Variants in GRAMD2B observed in about 807,000 individuals in gnomAD.
GRAMD2B encodes GRAM domain-containing protein 2B.
Under a neutral mutation model 59.2 loss-of-function variants are expected in GRAMD2B, and 41 were observed. That is an observed-to-expected ratio of 0.69 (90% confidence interval 0.54 to 0.90). The LOEUF (loss-of-function observed/expected upper bound fraction) is 0.90. Among genes scored for constraint, GRAMD2B ranks in the 40% least tolerant of loss-of-function variants. The pLI is 0.00. For missense variants in GRAMD2B, 424 were observed against 500.5 expected, an observed-to-expected ratio of 0.85 and a Z score of 1.46; for synonymous variants, 161 against 182.7, an observed-to-expected ratio of 0.88 and a Z score of 0.96.
chr5:126,404,695 C>T (rs918241179), intron 1 of GRAMD2B, among the ~76,000 whole-genome samples: 1 of 151,744 alleles, frequency 6.6e-6, no homozygotes, highest in Non-Finnish European at 1.5e-5. Context: ...ATCCAATACG[C>T]CTTTGTTCCA....
At chr5:126,429,433 A>G (rs1761195752) in intron 1 of GRAMD2B, among the ~76,000 whole-genome samples, 1 of 152,202 alleles carries the variant, frequency 6.6e-6, no homozygotes, top group Admixed American at 6.5e-5. Context: ...ACTAATGGGT[A>G]CTAGGTTTAA....
At chr5:126,466,245 T>C (rs1471970224) in intron 2 of GRAMD2B, 2 of 1,548,982 alleles carry the variant, frequency 1.3e-6, no homozygotes, top group East Asian at 2.4e-5. Context: ...TTTTGGTCTT[T>C]GCTAAAAGAT....
exon 1 of GRAMD2B, chr5:126,371,443 A>G: frequency 7.8e-7 from 1 of 1,287,694 alleles, no homozygotes; most frequent in Non-Finnish European, 1.0e-6. Flanking sequence ...TAAGCGCACA[A>G]TGGTGAAGAA....
chr5:126,423,039 C>T (rs1759915447), upstream of GRAMD2B: 6 of 413,620 alleles, frequency 1.5e-5, no homozygotes, highest in South Asian at 4.0e-4. Context: ...GAGGCAGTCC[C>T]TCAATGAAGC....
chr5:126,486,909 A>G lies in GRAMD2B; in HGVS notation c.1095A>G (p.Arg365=), dbSNP rs1373959103. ...CALIISTFYM[R]YRINTLEEQL... The stretch of plus-strand genomic sequence containing the variant: ...TAATCATCTCGACCTTCTACATGAG[A>G]TACAGAATTAATACTCTGGAGGAGC... Residue 365 remains arginine, a synonymous_variant, in exon 12 of 14, where the codon AGA becomes AGG. Coordinates refer to ENST00000285689, the MANE Select transcript of GRAMD2B (RefSeq NM_023927.4). 1.2e-6 allele frequency: 2 copies of G among 1,612,546 alleles called. No homozygotes were observed. The highest frequency in any genetic ancestry group is 2.2e-5 in the East Asian group (1 of 44,840).
intron 1 of GRAMD2B, among the ~76,000 whole-genome samples, chr5:126,374,857 T>A (rs1316339255): frequency 3.3e-5 from 5 of 152,218 alleles, no homozygotes; most frequent in Non-Finnish European, 7.4e-5. Context: ...TAATAAAAAA[T>A]CTGCTAAGAC....
In GRAMD2B at chr5:126,483,574, G is replaced by C; in HGVS notation, c.847G>C (p.Asp283His). 1 of 1,569,252 alleles carries C rather than the reference G, an allele frequency of 6.4e-7. No homozygotes were observed. The highest frequency in any genetic ancestry group is 8.8e-7 in the Non-Finnish European group (1 of 1,141,682). Residue 283 changes from aspartate to histidine, a missense_variant and splice_region_variant, in exon 9 of 14, where the codon GAT (aspartate) becomes CAT (histidine). Asp to His is a moderately conservative substitution (Grantham distance 81, BLOSUM62 -1). Coordinates refer to ENST00000285689, the MANE Select transcript of GRAMD2B (RefSeq NM_023927.4). ...AACTCCTGAATCTGAGAACTCTCGAGGTTTGGGAAATTGTTGTATTTTGAC... is the reference window on the plus strand; with the variant it reads ...AACTCCTGAATCTGAGAACTCTCGACGTTTGGGAAATTGTTGTATTTTGAC... ...SQTPESENSRDFHATESQTVL... is the reference protein window; with the variant it reads ...SQTPESENSRHFHATESQTVL...
At position 126,398,085 on chromosome 5, in the gene GRAMD2B, A is replaced by T. The variant is rs1757524273; in HGVS notation, c.125+26518A>T. On this transcript the variant is annotated intron_variant, in intron 1 of 8. Coordinates refer to the GRAMD2B transcript ENST00000506445. ...GTCACCCAGGATGGAGTGCAGTGGT[A>T]TGACCATAGCTCACTGCAGCGTCAA... 3.9e-5 allele frequency among the ~76,000 whole-genome samples: 5 copies of T among 126,988 alleles called. No individual in the cohort carries two copies. The Admixed American group carries it at 5.1e-4, about 13-fold the overall frequency. The allele number at this position is 126,988 out of a possible 152,430, so 83.3% of individuals were successfully genotyped here. A position where few individuals can be genotyped will look rare whatever the true frequency, so the allele number is the denominator to read the frequency against.
intron 1 of GRAMD2B, among the ~76,000 whole-genome samples, chr5:126,397,881 T>C (rs1202158741): frequency 1.3e-5 from 2 of 152,182 alleles, no homozygotes; most frequent in Non-Finnish European, 2.9e-5. Flanking sequence ...GATGGCCTCA[T>C]AGAAAAAATT....
chr5:126,363,931 T>G (rs2149683948), intron 1 of GRAMD2B, among the ~76,000 whole-genome samples: 1 of 152,300 alleles, frequency 6.6e-6, no homozygotes, highest in South Asian at 2.1e-4. Context: ...GTAAATGTAC[T>G]AAAGCCACTG....
At chr5:126,459,668 TA>T (rs2126740675) in intron 1 of GRAMD2B, among the ~76,000 whole-genome samples, 1 of 152,384 alleles carries the variant, frequency 6.6e-6, no homozygotes, top group Admixed American at 6.5e-5. Flanking sequence ...TGTAGTGGAA[TA>T]TTTTTTAACC....
At chr5:126,485,854 C>A (rs1250660466) in intron 11 of GRAMD2B, 81 bp downstream of exon 11, 2 of 799,238 alleles carry the variant, frequency 2.5e-6, no homozygotes, top group African/African-American at 1.7e-5. Context: ...CTGCCAAGAC[C>A]TACTGTAAAT....
intron 2 of GRAMD2B, among the ~76,000 whole-genome samples, chr5:126,466,645 T>C (rs1320782402): frequency 6.6e-6 from 1 of 152,196 alleles, no homozygotes; most frequent in Non-Finnish European, 1.5e-5. Flanking sequence ...AGGTTGGTCT[T>C]GAACTCCTGA....
intron 1 of GRAMD2B, among the ~76,000 whole-genome samples, chr5:126,395,911 A>T (rs1757328834): frequency 6.6e-6 from 1 of 152,196 alleles, no homozygotes; most frequent in Admixed American, 6.5e-5. Context: ...CAATTGAGTT[A>T]ATTAACATAT....
chr5:126,392,980 T>C (rs751436429), intron 1 of GRAMD2B, among the ~76,000 whole-genome samples: 1 of 152,340 alleles, frequency 6.6e-6, no homozygotes, highest in Non-Finnish European at 1.5e-5. Flanking sequence ...TTCTGTTTCA[T>C]AGGAATTATT....
intron 11 of GRAMD2B, 112 bp from the exon 12 acceptor site, chr5:126,486,761 T>A: frequency 1.6e-6 from 1 of 636,700 alleles, no homozygotes; most frequent in South Asian, 2.0e-5. Flanking sequence ...TTTTACCAAG[T>A]TATTTTGGAA....
intron 1 of GRAMD2B, among the ~76,000 whole-genome samples, chr5:126,413,684 T>C (rs1046770966): frequency 6.6e-6 from 1 of 152,126 alleles, no homozygotes; most frequent in Non-Finnish European, 1.5e-5. Context: ...GATCTAAGGC[T>C]ATCAGTGGGG....
chr5:126,454,600 A>G (rs912816380), intron 1 of GRAMD2B, among the ~76,000 whole-genome samples: 1 of 152,166 alleles, frequency 6.6e-6, no homozygotes, highest in Admixed American at 6.5e-5. Context: ...CAGAATTAGG[A>G]GTAGATATAG....
At chr5:126,372,209 C>A (rs574944996) in intron 1 of GRAMD2B, among the ~76,000 whole-genome samples, 1 of 152,050 alleles carries the variant, frequency 6.6e-6, no homozygotes, top group Non-Finnish European at 1.5e-5. Context: ...TTCATTTTGT[C>A]TCATTATATT....
Sources: gnomAD v4.1 joint callset for allele counts (sites outside exome capture counted in the v4.1 genomes callset) on GRCh38, gnomAD v4.1.1 for gene constraint, MANE v1.5 for transcripts, NCBI Gene and HGNC (gene_info 2026-07-23, HGNC 2026-07-21) for gene names.